Variants in NRG1 observed in about 807,000 individuals in gnomAD.
NRG1 encodes neuregulin 1.
NRG1 carries 18 observed loss-of-function variants against 63.8 expected under a neutral mutation model. The ratio of observed to expected loss-of-function variants is 0.28; its 90% confidence interval spans 0.19 to 0.42. NRG1 has a LOEUF of 0.42. Among genes scored for constraint, NRG1 ranks in the 10% least tolerant of loss-of-function variants. NRG1 has a pLI of 1.00. For synonymous variants in NRG1, 302 were observed against 301.3 expected, an observed-to-expected ratio of 1.00 and a Z score of -0.02; for missense variants, 762 against 814.7, an observed-to-expected ratio of 0.94 and a Z score of 0.79.
In NRG1 at chr8:31,729,622, A is replaced by G. The variant is rs183299359; in HGVS notation, c.37+90191A>G. ...AAAAAGGCCCAGAAAAAAAATTCTGAAGAGTATTTTTGTATCATTTACTTA... is the reference window on the plus strand; with the variant it reads ...AAAAAGGCCCAGAAAAAAAATTCTGGAGAGTATTTTTGTATCATTTACTTA... On this transcript the variant is annotated intron_variant, in intron 1 of 10. Coordinates refer to the NRG1 transcript ENST00000519301. Among the ~76,000 whole-genome samples, 587 of 152,280 alleles carry G rather than the reference A, an allele frequency of 3.9e-3. 1 individual carries two copies. Among genetic ancestry groups the G allele is most frequent in the South Asian group, 0.019 (91 of 4,828 alleles).
chr8:32,690,361 C>A (rs1811272075), intron 5 of NRG1, among the ~76,000 whole-genome samples: 1 of 152,038 alleles, frequency 6.6e-6, no homozygotes, highest in South Asian at 2.1e-4. Flanking sequence ...TTCAGCGACT[C>A]CTCCACTCAC....
chr8:32,086,264 AAT>A (rs1828207066), intron 1 of NRG1, among the ~76,000 whole-genome samples: 1 of 152,204 alleles, frequency 6.6e-6, no homozygotes, highest in Non-Finnish European at 1.5e-5. Context: ...CTCAATTAAA[AAT>A]ATATATGTAT....
intron 1 of NRG1, among the ~76,000 whole-genome samples, chr8:31,816,061 A>G (rs1189692961): frequency 6.6e-6 from 1 of 152,186 alleles, no homozygotes; most frequent in African/African-American, 2.4e-5. Flanking sequence ...TCTGGATATT[A>G]ATTTATTGTC....
intron 1 of NRG1, among the ~76,000 whole-genome samples, chr8:31,991,286 ACTTCTT>A (rs747670093): frequency 6.6e-6 from 1 of 151,326 alleles, no homozygotes; most frequent in Non-Finnish European, 1.5e-5. Context: ...GACGACAACA[ACTTCTT>A]CTTCTTCTTC....
intron 1 of NRG1, among the ~76,000 whole-genome samples, chr8:32,111,296 T>C (rs2131450047): frequency 6.6e-6 from 1 of 152,204 alleles, no homozygotes; most frequent in East Asian, 1.9e-4. Flanking sequence ...TTTGTATTTT[T>C]AGTAGAGACG....
chr8:32,586,365 A>G (rs1841621575), intron 1 of NRG1, among the ~76,000 whole-genome samples: 1 of 152,118 alleles, frequency 6.6e-6, no homozygotes, highest in Non-Finnish European at 1.5e-5. Context: ...GAAAAGAGAG[A>G]TTGCTAATTT....
At chr8:32,032,001 G>T (rs1818327072) in intron 1 of NRG1, among the ~76,000 whole-genome samples, 1 of 152,086 alleles carries the variant, frequency 6.6e-6, no homozygotes, top group Non-Finnish European at 1.5e-5. Flanking sequence ...TGGGTCAAAT[G>T]ATATTTCTGG....
At chr8:31,709,461 C>CT (rs1811518208) in intron 1 of NRG1, among the ~76,000 whole-genome samples, 1 of 151,992 alleles carries the variant, frequency 6.6e-6, no homozygotes, top group East Asian at 1.9e-4. Flanking sequence ...TAGTGTTACT[C>CT]TTTTTTGTAG....
downstream of NRG1, among the ~76,000 whole-genome samples, chr8:32,771,063 A>G (rs1371656951): frequency 6.6e-6 from 1 of 152,064 alleles, no homozygotes; most frequent in Non-Finnish European, 1.5e-5. Flanking sequence ...GAAACATATC[A>G]CCAAATAATA....
Position 31,918,988 on chromosome 8 carries a change from A to C in NRG1, c.37+279557A>C, listed in dbSNP as rs535553809. ...CTTCTAGATTTTCTAGTTTATTTGC[A>C]TAGAGGTGTTTGTAGTATTATCTGA... On this transcript the variant is annotated intron_variant, in intron 1 of 10. Coordinates refer to the NRG1 transcript ENST00000519301. Among the ~76,000 whole-genome samples the C allele has an allele frequency of 3.8e-3, 573 of 152,170 alleles. 1 individual carries two copies. Among genetic ancestry groups the C allele is most frequent in the Middle Eastern group, 0.024 (7 of 294 alleles).
chr8:31,735,102 C>A (rs1814527071), intron 1 of NRG1, among the ~76,000 whole-genome samples: 1 of 152,030 alleles, frequency 6.6e-6, no homozygotes, highest in African/African-American at 2.4e-5. Flanking sequence ...GGGGAATTTC[C>A]AAGTCAATTT....
chr8:32,149,719 C>T (rs1389618833), intron 1 of NRG1, among the ~76,000 whole-genome samples: 1 of 152,154 alleles, frequency 6.6e-6, no homozygotes, highest in Admixed American at 6.5e-5. Context: ...CTGTCAGGAA[C>T]TTCATATAAT....
intron 1 of NRG1, among the ~76,000 whole-genome samples, chr8:31,720,969 C>T (rs1402366811): frequency 6.6e-6 from 1 of 152,138 alleles, no homozygotes; most frequent in Non-Finnish European, 1.5e-5. Context: ...AGCTGGGATG[C>T]AGAACTGATA....
intron 1 of NRG1, among the ~76,000 whole-genome samples, chr8:32,012,177 A>G (rs946143082): frequency 5.3e-5 from 8 of 152,108 alleles, no homozygotes; most frequent in East Asian, 3.9e-4. Context: ...TTGAGGTTCT[A>G]TAAATTTTGG....
chr8:32,163,265 T>A (rs1056382254), intron 1 of NRG1, among the ~76,000 whole-genome samples: 1 of 152,148 alleles, frequency 6.6e-6, no homozygotes, highest in Non-Finnish European at 1.5e-5. Flanking sequence ...CAAGCCTCCT[T>A]TGTATGTGTG....
chr8:31,808,072 C>T (rs544103899), intron 1 of NRG1, among the ~76,000 whole-genome samples: 252 of 151,502 alleles, frequency 1.7e-3, no homozygotes, highest in Middle Eastern at 0.014. Flanking sequence ...GATTTTTAAG[C>T]GATAAAGAAT....
chr8:32,329,743 C>A (rs1384464282), intron 1 of NRG1, among the ~76,000 whole-genome samples: 1 of 152,046 alleles, frequency 6.6e-6, no homozygotes, highest in African/African-American at 2.4e-5. Flanking sequence ...ACCCTCAAAA[C>A]TTCTCAGGTA....
chr8:32,435,932 G>A (rs1818730255), intron 1 of NRG1, among the ~76,000 whole-genome samples: 1 of 152,066 alleles, frequency 6.6e-6, no homozygotes, highest in Admixed American at 6.6e-5. Flanking sequence ...TCTTCAAAAT[G>A]CAGATTCCTT....
chr8:31,875,231 A>G (rs186848871), intron 1 of NRG1, among the ~76,000 whole-genome samples: 1 of 152,276 alleles, frequency 6.6e-6, no homozygotes, highest in Admixed American at 6.5e-5. Flanking sequence ...ACTGGGACCC[A>G]AGGCATGCTT....
Sources: allele counts gnomAD v4.1 joint callset (sites outside exome capture counted in the v4.1 genomes callset), GRCh38; gene constraint gnomAD v4.1.1; transcripts MANE v1.5; gene names NCBI Gene and HGNC (gene_info 2026-07-23, HGNC 2026-07-21).